Variants in GRHL2 observed in about 807,000 individuals in gnomAD.
GRHL2 encodes the protein grainyhead-like protein 2 homolog.
A neutral mutation model predicts 83.8 loss-of-function variants in GRHL2; 21 were observed. The ratio of observed to expected loss-of-function variants is 0.25; its 90% CI spans 0.18 to 0.36. The LOEUF (loss-of-function observed/expected upper bound fraction) is 0.36, where lower values mean the gene tolerates loss of function less well. GRHL2 is among the 10% of genes least tolerant of loss of function. The probability of loss-of-function intolerance (pLI) is 1.00; values close to 1 mark genes in which losing one functional copy is unlikely to be tolerated. For missense variants in GRHL2, 623 were observed against 781.8 expected, an observed-to-expected ratio of 0.80 and a Z score of 2.42; for synonymous variants, 280 against 278.9, an observed-to-expected ratio of 1.00 and a Z score of -0.04.
intron 7 of GRHL2, among the ~76,000 whole-genome samples, chr8:101,586,355 A>G (rs887362216): frequency 4.0e-5 from 6 of 151,352 alleles, no homozygotes; most frequent in African/African-American, 1.5e-4. Flanking sequence ...ACCCTTCACT[A>G]TTTTTTCCTA....
At chr8:101,559,371 A>AAAAAAAAAAAAAAAAAAAT in intron 4 of GRHL2, among the ~76,000 whole-genome samples, 1 of 150,106 alleles carries the variant, frequency 6.7e-6, no homozygotes, top group African/African-American at 2.5e-5. Flanking sequence ...AAAAAAAAAA[A>AAAAAAAAAAAAAAAAAAAT]AAAAAAAAAT....
intron 2 of GRHL2, among the ~76,000 whole-genome samples, chr8:101,546,221 T>G (rs758044252): frequency 7.2e-5 from 11 of 152,178 alleles, no homozygotes; most frequent in Non-Finnish European, 1.6e-4. Flanking sequence ...TGTCAGTTAA[T>G]AGTTTTCATA....
At chr8:101,580,052 C>T (rs910582532) in intron 7 of GRHL2, among the ~76,000 whole-genome samples, 1 of 152,110 alleles carries the variant, frequency 6.6e-6, no homozygotes, top group African/African-American at 2.4e-5. Flanking sequence ...TCTCAATTCC[C>T]AAATCTCCAC....
Position 101,626,602 on chromosome 8 carries a change from A to G in GRHL2, c.1258-5035A>G, listed in dbSNP as rs149081361. Among the ~76,000 whole-genome samples the G allele has an allele frequency of 9.2e-5, 14 of 152,168 alleles. No individual in the cohort carries two copies. In the East Asian group the frequency reaches 2.1e-3, roughly 23 times the overall value. ...TAAATAAAAAACAAAGACAGCCATC[A>G]CCTCTCAAGTGGTGGCAAAAATGAT... On this transcript the variant is annotated intron_variant, in intron 9 of 15. Coordinates refer to ENST00000646743, the MANE Select transcript of GRHL2 (RefSeq NM_024915.4).
chr8:101,657,147 C>A lies in GRHL2; in HGVS notation c.1699-7307C>A, dbSNP rs144563730. Among the ~76,000 whole-genome samples the A allele has an allele frequency of 3.5e-3, 531 of 152,324 alleles. 2 individuals carry two copies. The highest frequency in any genetic ancestry group is 0.02 in the Middle Eastern group (6 of 294). ...ATGTCAAACACGGCCACCTAGGCAG[C>A]ATTTACAAGCAAGAGTCCACTGCTT... is the stretch of plus-strand genomic sequence containing the variant. On this transcript the variant is annotated intron_variant, in intron 14 of 15. Transcript: ENST00000646743.
chr8:101,549,734 T>C (rs567647393), intron 2 of GRHL2, among the ~76,000 whole-genome samples: 1 of 152,264 alleles, frequency 6.6e-6, no homozygotes, highest in East Asian at 1.9e-4. Context: ...GGGACATGCC[T>C]TCCTTGTTCT....
rs559388392 is a variant in GRHL2, at chr8:101,597,914, A to G, written c.1004-1143A>G. Among the ~76,000 whole-genome samples the G allele has an allele frequency of 7.9e-5, 12 of 152,322 alleles. No individual in the cohort carries two copies. In the East Asian group the frequency reaches 2.3e-3, roughly 29 times the overall value. On this transcript the variant is annotated intron_variant, in intron 7 of 15. Coordinates refer to ENST00000646743, the MANE Select transcript of GRHL2 (RefSeq NM_024915.4). Reference sequence around the variant, plus strand: ...AAAGGTCTGTAGTCTGGATTGCCAGATGAAATACAGAGTGCCAGTTAAATT... The same window carrying G: ...AAAGGTCTGTAGTCTGGATTGCCAGGTGAAATACAGAGTGCCAGTTAAATT...
chr8:101,528,934 G>A, intron 1 of GRHL2: 1 of 294,524 alleles, frequency 3.4e-6, no homozygotes, highest in Non-Finnish European at 6.7e-6. Flanking sequence ...AGCTGCCCGG[G>A]CAGTTTTCTT....
At chr8:101,539,787 C>T (rs1272203085) in intron 1 of GRHL2, among the ~76,000 whole-genome samples, 2 of 152,202 alleles carry the variant, frequency 1.3e-5, no homozygotes, top group Non-Finnish European at 2.9e-5. Context: ...CCAGCACATT[C>T]CTACCTATGC....
At chr8:101,608,633 G>T (rs1812678653) in intron 8 of GRHL2, among the ~76,000 whole-genome samples, 1 of 151,678 alleles carries the variant, frequency 6.6e-6, no homozygotes, top group South Asian at 2.1e-4. Context: ...AAAATTTCAA[G>T]TGAAAAGTTG....
chr8:101,631,909 GCA>G (rs773350434), intron 10 of GRHL2, among the ~76,000 whole-genome samples, 185 bp downstream of exon 10: 1 of 152,204 alleles, frequency 6.6e-6, no homozygotes, highest in Non-Finnish European at 1.5e-5. Flanking sequence ...AATCACATGA[GCA>G]CAGTGTGTTT....
chr8:101,502,838 CTTT>C (rs962779026), intron 1 of GRHL2, among the ~76,000 whole-genome samples: 1 of 151,586 alleles, frequency 6.6e-6, no homozygotes, highest in Non-Finnish European at 1.5e-5. Context: ...CCTTCTCCTT[CTTT>C]TTTTTCTTTC....
At chr8:101,602,917 G>A (rs1427806015) in intron 8 of GRHL2, among the ~76,000 whole-genome samples, 1 of 152,188 alleles carries the variant, frequency 6.6e-6, no homozygotes, top group Non-Finnish European at 1.5e-5. Context: ...AAGGCCACCA[G>A]CATTCCCTGG....
rs1035836665 is a variant in GRHL2, at chr8:101,532,647, G to A, written c.21-10594G>A. 3.9e-5 allele frequency among the ~76,000 whole-genome samples: 6 copies of A among 152,114 alleles called. No individual in the cohort carries two copies. The East Asian group carries it at 9.7e-4, about 25-fold the overall frequency. On this transcript the variant is annotated intron_variant, in intron 1 of 15. Coordinates refer to ENST00000646743, the MANE Select transcript of GRHL2 (RefSeq NM_024915.4). ...CACCTGCAATCCCAGCTACTCGGCG[G>A]GGGGGCTGAGGCAGGAGAATTGCTT...
At chr8:101,503,546 T>G (rs547333150) in intron 1 of GRHL2, among the ~76,000 whole-genome samples, 3 of 152,340 alleles carry the variant, frequency 2.0e-5, no homozygotes, top group Admixed American at 2.0e-4. Context: ...GAAGGCAGTT[T>G]GGCAAAACTG....
At position 101,611,812 on chromosome 8, in the gene GRHL2, G is replaced by A. The variant is rs567583063; in HGVS notation, c.1099-7727G>A. On this transcript the variant is annotated intron_variant, in intron 8 of 15. Transcript: ENST00000646743. ...TTTGCCTTTTTCCTCACCACTCCCTGCCTTTCAGGTTCTTTCTTCACCTTC... is the reference window on the plus strand; with the variant it reads ...TTTGCCTTTTTCCTCACCACTCCCTACCTTTCAGGTTCTTTCTTCACCTTC... Among the ~76,000 whole-genome samples the A allele has an allele frequency of 4.8e-4, 72 of 150,742 alleles. 6 individuals carry two copies. Among genetic ancestry groups the A allele is most frequent in the African/African-American group, 1.2e-3 (50 of 40,258 alleles).
chr8:101,625,279 T>C (rs1339077627), intron 9 of GRHL2, among the ~76,000 whole-genome samples: 1 of 151,972 alleles, frequency 6.6e-6, no homozygotes, highest in African/African-American at 2.4e-5. Flanking sequence ...TAGTTGGAAA[T>C]GAAAGTGAGA....
At chr8:101,621,921 T>C (rs1812974477) in intron 9 of GRHL2, among the ~76,000 whole-genome samples, 1 of 151,942 alleles carries the variant, frequency 6.6e-6, no homozygotes, top group Admixed American at 6.6e-5. Flanking sequence ...ATAGGAATCT[T>C]TGAGGAAAAA....
At chr8:101,635,341 T>A (rs761073765) in intron 11 of GRHL2, among the ~76,000 whole-genome samples, 4 of 152,016 alleles carry the variant, frequency 2.6e-5, no homozygotes, top group Non-Finnish European at 5.9e-5. Flanking sequence ...GAAGAAATAG[T>A]GGGTCTTTAT....
Sources: gnomAD v4.1 joint callset for allele counts (sites outside exome capture counted in the v4.1 genomes callset) on GRCh38, gnomAD v4.1.1 for gene constraint, MANE v1.5 for transcripts, NCBI Gene and HGNC (gene_info 2026-07-23, HGNC 2026-07-21) for gene names.